NT5C2: variants seen among roughly 807,000 people sequenced by gnomAD.
The protein encoded by NT5C2 is 5'-nucleotidase, cytosolic II, also known as cytosolic purine 5'-nucleotidase.
Under a neutral mutation model 76.1 loss-of-function variants are expected in NT5C2, and 58 were observed. The ratio of observed to expected loss-of-function variants is 0.76; its 90% CI spans 0.62 to 0.95. The LOEUF is 0.95. Ranked by LOEUF, NT5C2 falls within the 40% of genes least tolerant of loss-of-function variation. The pLI, the probability that NT5C2 is intolerant of heterozygous loss-of-function variation, is 0.00. For synonymous variants in NT5C2, 229 were observed against 237.4 expected, an observed-to-expected ratio of 0.96 and a Z score of 0.32; for missense variants, 478 against 690.3, an observed-to-expected ratio of 0.69 and a Z score of 3.45.
At chr10:103,130,282 C>T (rs374145730) in intron 4 of NT5C2, among the ~76,000 whole-genome samples, 33 of 151,654 alleles carry the variant, frequency 2.2e-4, no homozygotes, top group Non-Finnish European at 3.1e-4. Context: ...CTGAAACATG[C>T]GCTGTGTCCA....
Position 103,184,127 on chromosome 10 carries a change from T to C in NT5C2, c.-168-2799A>G, listed in dbSNP as rs1009221387. On this transcript the variant is annotated intron_variant, in intron 1 of 18. Coordinates refer to ENST00000404739, the MANE Select transcript of NT5C2 (RefSeq NM_001351169.2). ...GCCACCACGCCCGGCTAATTTTGTA[T>C]TTTTAGTACAGACGGGGTTTCACCG... Among the ~76,000 whole-genome samples, 11 of 152,222 alleles carry C rather than the reference T, an allele frequency of 7.2e-5. No homozygotes were observed. The South Asian group carries it at 2.3e-3, about 32-fold the overall frequency.
intron 3 of NT5C2, among the ~76,000 whole-genome samples, chr10:103,148,340 C>A (rs567511968): frequency 6.6e-6 from 1 of 152,294 alleles, no homozygotes; most frequent in South Asian, 2.1e-4. Context: ...CGGTGGCTCA[C>A]GCCTGTAATC....
At chr10:103,129,945 C>CG (rs1288606727) in intron 4 of NT5C2, among the ~76,000 whole-genome samples, 2 of 137,676 alleles carry the variant, frequency 1.5e-5, no homozygotes, top group Non-Finnish European at 3.2e-5. Context: ...GGTCAGCCCC[C>CG]CCGCCCGGCC....
intron 4 of NT5C2, among the ~76,000 whole-genome samples, chr10:103,119,263 G>A (rs1423819100): frequency 6.6e-6 from 1 of 152,182 alleles, no homozygotes; most frequent in African/African-American, 2.4e-5. Flanking sequence ...CAGCTACTCA[G>A]GAGGCTGAGG....
At chr10:103,186,982 G>A (rs568314753) in intron 1 of NT5C2, among the ~76,000 whole-genome samples, 1 of 152,048 alleles carries the variant, frequency 6.6e-6, no homozygotes, top group Non-Finnish European at 1.5e-5. Context: ...CAGGGGCGGT[G>A]GTTCACGCCT....
In NT5C2 at chr10:103,099,943, C is replaced by A; in HGVS notation, c.616G>T (p.Asp206Tyr). 6.2e-7 allele frequency: 1 copy of A among 1,611,358 alleles called. No individual in the cohort carries two copies. The highest frequency in any genetic ancestry group is 1.1e-5 in the South Asian group (1 of 90,958). ...CTAGGTACCTTGTAATGAACCCAGTCAACAGCATCTCTTACATCCTGGAAC... is the reference window on the plus strand; with the variant it reads ...CTAGGTACCTTGTAATGAACCCAGTAAACAGCATCTCTTACATCCTGGAAC... The part of the protein sequence containing the change: ...SMFQDVRDAV[D>Y]WVHYKGSLKE... The change falls in exon 9 of 19, where the codon GAC (aspartate) becomes TAC (tyrosine). Residue 206 changes from aspartate to tyrosine, a missense_variant. Coordinates refer to ENST00000404739, the MANE Select transcript of NT5C2 (RefSeq NM_001351169.2).
intron 18 of NT5C2, 31 bp downstream of exon 18, chr10:103,090,580 A>C (rs764575480): frequency 1.9e-6 from 3 of 1,596,702 alleles, no homozygotes; most frequent in South Asian, 2.3e-5. Flanking sequence ...CTTAGAGTAC[A>C]TCTTGGCTGT....
At chr10:103,097,426 A>C in intron 10 of NT5C2, 52 bp from the exon 11 acceptor site, 1 of 1,452,546 alleles carries the variant, frequency 6.9e-7, no homozygotes. Context: ...TTATCTTTAC[A>C]CTTTGGAGTT....
At chr10:103,116,509 C>T (rs1269829003) in intron 4 of NT5C2, among the ~76,000 whole-genome samples, 3 of 151,778 alleles carry the variant, frequency 2.0e-5, no homozygotes, top group Non-Finnish European at 2.9e-5. Flanking sequence ...ATGCAATACT[C>T]GAAGTCTTTT....
intron 4 of NT5C2, among the ~76,000 whole-genome samples, chr10:103,118,532 T>C (rs1347372383): frequency 2.0e-5 from 3 of 152,094 alleles, no homozygotes; most frequent in South Asian, 2.1e-4. Context: ...TTTTGCATTT[T>C]TTGTAGAGAT....
intron 4 of NT5C2, among the ~76,000 whole-genome samples, chr10:103,138,904 G>A (rs962196247): frequency 2.0e-5 from 3 of 152,170 alleles, no homozygotes; most frequent in Admixed American, 6.5e-5. Context: ...CTACCTGGGA[G>A]GCTGAGGCAG....
intron 4 of NT5C2, among the ~76,000 whole-genome samples, chr10:103,137,530 C>T (rs2079527539): frequency 6.6e-6 from 1 of 152,158 alleles, no homozygotes; most frequent in Non-Finnish European, 1.5e-5. Flanking sequence ...ACATTTGTAG[C>T]CTAAATCGAA....
At position 103,118,070 on chromosome 10, in the gene NT5C2, A is replaced by C. The variant is rs138087496; in HGVS notation, c.176-11364T>G. Among the ~76,000 whole-genome samples the C allele has an allele frequency of 2.3e-3, 347 of 152,204 alleles. 2 individuals are homozygous for C. The highest frequency in any genetic ancestry group is 7.6e-3 in the African/African-American group (317 of 41,520). On this transcript the variant is annotated intron_variant, in intron 4 of 18. Transcript: ENST00000404739. ...AAGGATAATATCTATTTGGAAGCAT[A>C]TTTTCTTATGTGCTTTATTTTAAAA...
chr10:103,153,684 GCAAA>G, intron 3 of NT5C2: 2 of 985,272 alleles, frequency 2.0e-6, no homozygotes, highest in Non-Finnish European at 2.4e-6. Context: ...CCAACAGTAC[GCAAA>G]CAATGTGAGT....
chr10:103,175,606 G>T, intron 2 of NT5C2: 1 of 211,556 alleles, frequency 4.7e-6, no homozygotes, highest in South Asian at 9.1e-5. Flanking sequence ...CCAAGGTTGC[G>T]GCAGGTGCTT....
chr10:103,094,475 A>G lies in NT5C2; in HGVS notation c.814-20T>C. The G allele has an allele frequency of 7.3e-7, 1 of 1,362,712 alleles. No homozygotes were observed. Among genetic ancestry groups the G allele is most frequent in the East Asian group, 2.3e-5 (1 of 43,714 alleles). 84.4% of individuals were successfully genotyped at this position (1,362,712 alleles called of 1,614,324 possible). A position where few individuals can be genotyped will look rare whatever the true frequency, so the allele number is the denominator to read the frequency against. ...CCCAGGCTGGTGAAGGAGAAACAGCAAAAGTTGAAACATCACTCCTTACCT... is the reference window on the plus strand; with the variant it reads ...CCCAGGCTGGTGAAGGAGAAACAGCGAAAGTTGAAACATCACTCCTTACCT... On this transcript the variant is annotated intron_variant, in intron 12 of 18. Coordinates refer to ENST00000404739, the MANE Select transcript of NT5C2 (RefSeq NM_001351169.2).
chr10:103,174,793 T>A, intron 3 of NT5C2, 65 bp downstream of exon 3: 5 of 1,005,548 alleles, frequency 5.0e-6, no homozygotes, highest in Non-Finnish European at 7.9e-6. Flanking sequence ...ATTAATTTCA[T>A]CATCTGTAAA....
chr10:103,091,460 C>T, intron 16 of NT5C2, 104 bp downstream of exon 16: 2 of 880,126 alleles, frequency 2.3e-6, no homozygotes, highest in Admixed American at 2.0e-5. Context: ...ATTCTCCTGC[C>T]TCAGCCTCCC....
chr10:103,117,695 A>G (rs1326224593), intron 4 of NT5C2, among the ~76,000 whole-genome samples: 1 of 152,242 alleles, frequency 6.6e-6, no homozygotes, highest in Non-Finnish European at 1.5e-5. Context: ...GTATTTATCC[A>G]GAAGCAATAT....
Sources: allele counts gnomAD v4.1 joint callset (sites outside exome capture counted in the v4.1 genomes callset), GRCh38; gene constraint gnomAD v4.1.1; transcripts MANE v1.5; gene names NCBI Gene and HGNC (gene_info 2026-07-23, HGNC 2026-07-21).